Variants in MTA3 observed in about 807,000 individuals in gnomAD.
The protein encoded by MTA3 is metastasis associated 1 family member 3.
A neutral mutation model predicts 83.5 loss-of-function variants in MTA3; 34 were observed. The observed-to-expected ratio is 0.41, with a 90% CI of 0.31 to 0.54. The LOEUF is 0.54. MTA3 is among the 20% of genes least tolerant of loss of function. MTA3 has a pLI of 0.33. For synonymous variants in MTA3, 303 were observed against 252.7 expected (o/e 1.20, Z -1.89); for missense variants, 761 against 726.4 (o/e 1.05, Z -0.55).
intron 3 of MTA3, among the ~76,000 whole-genome samples, chr2:42,607,581 C>A (rs746637738): frequency 6.6e-6 from 1 of 152,056 alleles, no homozygotes; most frequent in Non-Finnish European, 1.5e-5. Context: ...TGGGCTCAAG[C>A]GATCTGCTTG....
At chr2:42,516,232 G>T (rs957276740) in intron 2 of MTA3, among the ~76,000 whole-genome samples, 1 of 152,070 alleles carries the variant, frequency 6.6e-6, no homozygotes, top group African/African-American at 2.4e-5. Flanking sequence ...TATTTTAAAA[G>T]CTGTTTCTGT....
rs571229898 is a variant in MTA3 at position 42,755,528 on chromosome 2, C to T, written c.*2129C>T. The T allele has an allele frequency of 2.5e-5, 25 of 985,310 alleles. No individual in the cohort carries two copies. The highest frequency in any genetic ancestry group is 6.1e-5 in the Admixed American group (1 of 16,266). The allele number at this position is 985,310 out of a possible 1,614,324, so 61.0% of individuals were successfully genotyped here. ...TTTCCTTCCTCTTGTAAGTAAAGCT[C>T]GTGGTTCTGTAGTCCAGTCATCCTA... On this transcript the variant is annotated 3_prime_UTR_variant, in exon 17 of 17. Coordinates refer to ENST00000405094, the MANE Select transcript of MTA3 (RefSeq NM_001330442.2).
At position 42,704,228 on chromosome 2, in the gene MTA3, A is replaced by G; in HGVS notation, c.1060A>G (p.Asn354Asp). The change falls in exon 12 of 17, where the codon AAT (asparagine) becomes GAT (aspartate). Residue 354 changes from asparagine (N) to aspartate (D), a missense_variant. Physicochemically the swap from Asn to Asp is conservative, Grantham distance 23. Coordinates refer to ENST00000405094, the MANE Select transcript of MTA3 (RefSeq NM_001330442.2). ...AAATCCCAACCAAATATCCACTAGT[A>G]ATGGGAAGCCTGGTGCTGTGAATGG... is the stretch of plus-strand genomic sequence containing the variant. The part of the protein sequence containing the change: ...KPNPNQISTS[N>D]GKPGAVNGAV... The G allele has an allele frequency of 6.2e-7, 1 of 1,613,984 alleles. No homozygotes were observed. The highest frequency in any genetic ancestry group is 1.1e-5 in the South Asian group (1 of 91,080).
intron 2 of MTA3, among the ~76,000 whole-genome samples, chr2:42,549,722 A>T (rs1175958662): frequency 1.5e-5 from 2 of 134,398 alleles, no homozygotes; most frequent in African/African-American, 5.6e-5. Context: ...TATTTAAATT[A>T]TATATTATAT....
At chr2:42,519,451 C>A (rs1675310797) in intron 2 of MTA3, among the ~76,000 whole-genome samples, 1 of 151,390 alleles carries the variant, frequency 6.6e-6, no homozygotes, top group African/African-American at 2.4e-5. Context: ...ACCAAAAATA[C>A]AAAAAGTAGC....
chr2:42,722,638 G>A (rs575425471), intron 15 of MTA3, among the ~76,000 whole-genome samples: 2 of 152,122 alleles, frequency 1.3e-5, no homozygotes, highest in South Asian at 4.2e-4. Context: ...GTGGCTTTTT[G>A]TTTTGTTTTT....
chr2:42,506,032 T>C lies in MTA3; in HGVS notation c.-141+10778T>C, dbSNP rs1292852222. 3.9e-5 allele frequency among the ~76,000 whole-genome samples: 6 copies of C among 152,250 alleles called. No individual in the cohort carries two copies. The East Asian group carries it at 1.2e-3, about 29-fold the overall frequency. On this transcript the variant is annotated intron_variant, in intron 2 of 17. Transcript: ENST00000405592. ...TGCCCGCCCCGGCCTCCCAAAGTGC[T>C]AGGATTACAGGCATGAGCTACCACA...
At chr2:42,619,136 A>G (rs1472830260) in intron 4 of MTA3, among the ~76,000 whole-genome samples, 1 of 152,230 alleles carries the variant, frequency 6.6e-6, no homozygotes, top group African/African-American at 2.4e-5. Flanking sequence ...CAGCAAGAGG[A>G]GAGAGAACAG....
chr2:42,619,573 ATT>A (rs1229910776), intron 4 of MTA3, among the ~76,000 whole-genome samples: 1 of 152,236 alleles, frequency 6.6e-6, no homozygotes, highest in Admixed American at 6.5e-5. Context: ...TCATTACAAT[ATT>A]TGAGTTTCCC....
intron 2 of MTA3, among the ~76,000 whole-genome samples, chr2:42,519,327 C>G (rs575279102): frequency 6.6e-6 from 1 of 152,216 alleles, no homozygotes; most frequent in South Asian, 2.1e-4. Flanking sequence ...AGGAAAGAGC[C>G]AGGCGCAGTG....
At chr2:42,522,112 A>T (rs1018136977) in intron 2 of MTA3, among the ~76,000 whole-genome samples, 17 of 152,204 alleles carry the variant, frequency 1.1e-4, no homozygotes, top group African/African-American at 4.1e-4. Flanking sequence ...CCAAATAAAT[A>T]CATAATTTCC....
intron 6 of MTA3, among the ~76,000 whole-genome samples, chr2:42,646,561 G>A (rs1472826847): frequency 1.3e-5 from 2 of 152,154 alleles, no homozygotes; most frequent in Non-Finnish European, 2.9e-5. Context: ...AACTTTGAAG[G>A]GTTTACGACT....
chr2:42,658,776 A>G (rs547455588), intron 7 of MTA3, among the ~76,000 whole-genome samples: 1 of 152,206 alleles, frequency 6.6e-6, no homozygotes, highest in African/African-American at 2.4e-5. Flanking sequence ...AAATATTTAT[A>G]AAATTTCTTC....
chr2:42,579,844 C>T (rs1176191251), intron 3 of MTA3, among the ~76,000 whole-genome samples: 4 of 152,044 alleles, frequency 2.6e-5, no homozygotes, highest in Admixed American at 2.6e-4. Flanking sequence ...GCTACTGGGC[C>T]TGGCCTATTG....
At chr2:42,659,635 C>A in intron 7 of MTA3, 128 bp from the exon 8 acceptor site, 1 of 524,146 alleles carries the variant, frequency 1.9e-6, no homozygotes, top group Non-Finnish European at 3.0e-6. Context: ...GATTCTCATT[C>A]AGAAACTTGT....
In MTA3 at chr2:42,722,934, G is replaced by A. The variant is rs1029573603; in HGVS notation, c.1658G>A (p.Ser553Asn). Reference protein sequence around the residue: ...KKPNVIRSTPSLQTPTTKRML... With the variant: ...KKPNVIRSTPNLQTPTTKRML... ...CCTAATGTAATTCGATCTACACCAA[G>A]CCTGCAAACCCCAACTACCAAGCGG... Residue 553 changes from serine (S) to asparagine (N), a missense_variant, in exon 16 of 17, where the codon AGC (serine) becomes AAC (asparagine). Physicochemically the swap from Ser to Asn is conservative, Grantham distance 46. Coordinates refer to ENST00000405094, the MANE Select transcript of MTA3 (RefSeq NM_001330442.2). 4 of 1,551,052 alleles carry A rather than the reference G, an allele frequency of 2.6e-6. No homozygotes were observed. In the African/African-American group the frequency reaches 4.1e-5, roughly 16 times the overall value.
intron 4 of MTA3, among the ~76,000 whole-genome samples, chr2:42,621,128 T>C (rs1171554421): frequency 4.1e-5 from 3 of 73,346 alleles, no homozygotes; most frequent in Admixed American, 2.2e-4. Context: ...TTACTCTTAT[T>C]AGAGTTTTTT....
At chr2:42,499,475 C>G (rs1172751232) in intron 2 of MTA3, among the ~76,000 whole-genome samples, 2 of 149,234 alleles carry the variant, frequency 1.3e-5, no homozygotes, top group Non-Finnish European at 3.0e-5. Context: ...GAGGGTAGAT[C>G]TTATAGGTGT....
intron 3 of MTA3, among the ~76,000 whole-genome samples, chr2:42,585,290 G>A (rs1471262877): frequency 1.3e-5 from 2 of 151,872 alleles, no homozygotes; most frequent in East Asian, 3.9e-4. Flanking sequence ...GTTTCTCCAT[G>A]TTGGTCAGGG....
Sources: gnomAD v4.1 joint callset for allele counts (sites outside exome capture counted in the v4.1 genomes callset) on GRCh38, gnomAD v4.1.1 for gene constraint, MANE v1.5 for transcripts, NCBI Gene and HGNC (gene_info 2026-07-23, HGNC 2026-07-21) for gene names.